SLCO5A1: variants seen among roughly 807,000 people sequenced by gnomAD.
The protein encoded by SLCO5A1 is solute carrier organic anion transporter family member 5A1.
A neutral mutation model predicts 65.1 loss-of-function variants in SLCO5A1; 39 were observed. The observed-to-expected ratio is 0.60, with a 90% CI of 0.46 to 0.78. The LOEUF (loss-of-function observed/expected upper bound fraction) is 0.78, where lower values mean the gene tolerates loss of function less well. Among genes scored for constraint, SLCO5A1 ranks in the 30% least tolerant of loss-of-function variants. The pLI, the probability that SLCO5A1 is intolerant of heterozygous loss-of-function variation, is 0.00. For missense variants in SLCO5A1, 1,029 were observed against 1,069.4 expected (o/e 0.96, Z 0.53); for synonymous variants, 438 against 415.7 (o/e 1.05, Z -0.65).
Position 69,789,165 on chromosome 8 carries a change from T to C in SLCO5A1, c.908-27290A>G, listed in dbSNP as rs115979820. Among the ~76,000 whole-genome samples, 293 of 152,322 alleles carry C rather than the reference T, an allele frequency of 1.9e-3. 1 individual carries two copies. The highest frequency in any genetic ancestry group is 6.6e-3 in the African/African-American group (276 of 41,578). ...ACACAACACTGTGCCTCTTGGCTAA[T>C]GGGCCTCAGCTACTATAGAGCACCA... is the stretch of plus-strand genomic sequence containing the variant. On this transcript the variant is annotated intron_variant, in intron 2 of 9. Coordinates refer to ENST00000260126, the MANE Select transcript of SLCO5A1 (RefSeq NM_030958.3).
intron 1 of SLCO5A1, among the ~76,000 whole-genome samples, chr8:69,834,579 C>T (rs1469044843): frequency 6.6e-6 from 1 of 152,084 alleles, no homozygotes; most frequent in Non-Finnish European, 1.5e-5. Flanking sequence ...AGCAAACTCT[C>T]GCCGCTCGCG....
At chr8:69,714,546 A>G (rs6991726) in intron 5 of SLCO5A1, among the ~76,000 whole-genome samples, 9,846 of 152,260 alleles carry the variant, frequency 0.065, 453 homozygotes, top group African/African-American at 0.12. Context: ...AACTTCAGTT[A>G]GAGGAGACAG....
In SLCO5A1 at chr8:69,672,646, C is replaced by G. The variant is rs1813373782; in HGVS notation, c.*223G>C. ...TAACACAACGGAAATGGGAACAAAT[C>G]TAGCTGAACGTCTCCTTCTTGGAGA... On this transcript the variant is annotated 3_prime_UTR_variant, in exon 10 of 10. Coordinates refer to ENST00000260126, the MANE Select transcript of SLCO5A1 (RefSeq NM_030958.3). 3.5e-6 allele frequency: 2 copies of G among 564,230 alleles called. No homozygotes were observed. The highest frequency in any genetic ancestry group is 4.9e-5 in the South Asian group (2 of 40,722). 35.0% of individuals were successfully genotyped at this position (564,230 alleles called of 1,614,324 possible).
intron 8 of SLCO5A1, among the ~76,000 whole-genome samples, chr8:69,678,159 A>G (rs1813625110): frequency 6.6e-6 from 1 of 152,250 alleles, no homozygotes; most frequent in Non-Finnish European, 1.5e-5. Flanking sequence ...GCTGGAATGT[A>G]ACAAAAGTCC....
At chr8:69,679,255 C>G in intron 8 of SLCO5A1, 123 bp downstream of exon 8, 1 of 1,334,962 alleles carries the variant, frequency 7.5e-7, no homozygotes, top group Non-Finnish European at 1.0e-6. Flanking sequence ...TATCTGAGCG[C>G]CCTCCTGCAC....
At chr8:69,804,858 G>C in intron 2 of SLCO5A1, among the ~76,000 whole-genome samples, 1 of 152,236 alleles carries the variant, frequency 6.6e-6, no homozygotes, top group Admixed American at 6.5e-5. Context: ...AGTCCTATTC[G>C]TGAGTTTCTC....
intron 5 of SLCO5A1, among the ~76,000 whole-genome samples, chr8:69,725,988 A>C (rs1356031641): frequency 6.6e-6 from 1 of 152,234 alleles, no homozygotes; most frequent in Non-Finnish European, 1.5e-5. Context: ...TGCTGTGAAC[A>C]TAGAGGTGGT....
intron 4 of SLCO5A1, among the ~76,000 whole-genome samples, chr8:69,743,327 T>C (rs1816880844): frequency 6.6e-6 from 1 of 152,198 alleles, no homozygotes; most frequent in Non-Finnish European, 1.5e-5. Context: ...TTAAAGTCTG[T>C]ATTTGATGAA....
chr8:69,751,713 A>G (rs1817310070), intron 4 of SLCO5A1, among the ~76,000 whole-genome samples: 1 of 151,708 alleles, frequency 6.6e-6, no homozygotes, highest in South Asian at 2.1e-4. Flanking sequence ...CGCCCATCTA[A>G]TTTTTTTATT....
intron 5 of SLCO5A1, among the ~76,000 whole-genome samples, chr8:69,737,027 A>G (rs1816588666): frequency 2.0e-5 from 3 of 152,358 alleles, no homozygotes; most frequent in South Asian, 2.1e-4. Flanking sequence ...CAAGAAAAAC[A>G]TATTTTAAGT....
Position 69,819,176 on chromosome 8 carries a change from G to A in SLCO5A1, c.907+12591C>T, listed in dbSNP as rs561627190. Among the ~76,000 whole-genome samples, 3 of 152,198 alleles carry A rather than the reference G, an allele frequency of 2.0e-5. No individual in the cohort carries two copies. In the East Asian group the frequency reaches 5.8e-4, roughly 29 times the overall value. Reference sequence around the variant, plus strand: ...TCTCTGCCGCCACTGCTCCTCCTCAGGAAGGAAGAAGGGGATTAATGTGAC... The same window carrying A: ...TCTCTGCCGCCACTGCTCCTCCTCAAGAAGGAAGAAGGGGATTAATGTGAC... On this transcript the variant is annotated intron_variant, in intron 2 of 9. Transcript: ENST00000260126.
Position 69,672,540 on chromosome 8 carries a change from A to T in SLCO5A1, c.*329T>A. On this transcript the variant is annotated 3_prime_UTR_variant, in exon 10 of 10. Coordinates refer to ENST00000260126, the MANE Select transcript of SLCO5A1 (RefSeq NM_030958.3). ...CCTTTGTTTGGAGTGTTAGTTAATGATATGCACCGCCATTCCCCTTCCCAT... is the reference window on the plus strand; with the variant it reads ...CCTTTGTTTGGAGTGTTAGTTAATGTTATGCACCGCCATTCCCCTTCCCAT... The T allele has an allele frequency of 3.8e-6, 1 of 265,466 alleles. No homozygotes were observed. Among genetic ancestry groups the T allele is most frequent in the South Asian group, 9.1e-5 (1 of 10,996 alleles). 16.4% of individuals were successfully genotyped at this position (265,466 alleles called of 1,614,324 possible).
chr8:69,744,403 C>A (rs1238927620), intron 4 of SLCO5A1, among the ~76,000 whole-genome samples: 1 of 152,216 alleles, frequency 6.6e-6, no homozygotes, highest in East Asian at 1.9e-4. Flanking sequence ...CCCCACCTAT[C>A]TCCTTGGCAA....
chr8:69,756,140 C>A (rs1038012833), intron 3 of SLCO5A1, among the ~76,000 whole-genome samples: 1 of 151,962 alleles, frequency 6.6e-6, no homozygotes, highest in African/African-American at 2.4e-5. Context: ...ATGTATTGAC[C>A]CAGCTGGGCG....
intron 2 of SLCO5A1, among the ~76,000 whole-genome samples, chr8:69,776,262 A>T (rs1818546543): frequency 6.6e-6 from 1 of 152,330 alleles, no homozygotes; most frequent in Admixed American, 6.5e-5. Flanking sequence ...ATTGTTAACT[A>T]AATTTTGAGA....
chr8:69,711,558 C>A (rs958381968), intron 5 of SLCO5A1, among the ~76,000 whole-genome samples: 1 of 152,174 alleles, frequency 6.6e-6, no homozygotes, highest in Non-Finnish European at 1.5e-5. Context: ...ACCCGAGGCC[C>A]GAGGTGCCAG....
intron 5 of SLCO5A1, among the ~76,000 whole-genome samples, chr8:69,736,014 C>T (rs1204628936): frequency 6.6e-6 from 1 of 152,122 alleles, no homozygotes; most frequent in African/African-American, 2.4e-5. Flanking sequence ...AGCTTTTTAT[C>T]AGAAGAAGTG....
chr8:69,761,946 C>T, intron 2 of SLCO5A1, 71 bp from the exon 3 acceptor site: 1 of 1,557,438 alleles, frequency 6.4e-7, no homozygotes, highest in Non-Finnish European at 8.7e-7. Context: ...TCTCATTTCA[C>T]TCTCATACCA....
intron 4 of SLCO5A1, among the ~76,000 whole-genome samples, chr8:69,746,994 A>G (rs1817060833): frequency 6.6e-6 from 1 of 152,162 alleles, no homozygotes; most frequent in Admixed American, 6.5e-5. Flanking sequence ...CAGGTACCAG[A>G]CAACTGGAGA....
Sources: gnomAD v4.1 joint callset for allele counts (sites outside exome capture counted in the v4.1 genomes callset) on GRCh38, gnomAD v4.1.1 for gene constraint, MANE v1.5 for transcripts, NCBI Gene and HGNC (gene_info 2026-07-23, HGNC 2026-07-21) for gene names.